Variants in FILIP1L observed in about 807,000 individuals in gnomAD.
The protein encoded by FILIP1L is filamin A interacting protein 1 like, also known as filamin A-interacting protein 1-like.
FILIP1L carries 55 observed loss-of-function variants against 96.6 expected under a neutral mutation model. The observed-to-expected ratio is 0.57, with a 90% CI of 0.46 to 0.71. FILIP1L has a LOEUF of 0.71. FILIP1L is among the 30% of genes least tolerant of loss of function. The probability of loss-of-function intolerance (pLI) is 0.00; values close to 1 mark genes in which losing one functional copy is unlikely to be tolerated. For synonymous variants in FILIP1L, 467 were observed against 473.9 expected (o/e 0.99, Z 0.19); for missense variants, 1,304 against 1,321.2 (o/e 0.99, Z 0.20).
At chr3:100,037,958 G>T (rs6440987) in intron 1 of FILIP1L, among the ~76,000 whole-genome samples, 777 of 10,044 alleles carry the variant, frequency 0.077, 6 homozygotes, top group Admixed American at 0.11. Context: ...TTTTTTTTTG[G>T]GGGGGGAGGG....
intron 4 of FILIP1L, among the ~76,000 whole-genome samples, chr3:99,871,642 A>C (rs1446989403): frequency 6.6e-6 from 1 of 152,184 alleles, no homozygotes; most frequent in Non-Finnish European, 1.5e-5. Flanking sequence ...GCATTGAGTC[A>C]CTTTGAATTT....
intron 1 of FILIP1L, among the ~76,000 whole-genome samples, chr3:100,068,184 CA>C (rs1315256412): frequency 6.6e-6 from 1 of 152,170 alleles, no homozygotes; most frequent in Non-Finnish European, 1.5e-5. Context: ...GTCAAATTGG[CA>C]AATTTTTTAA....
intron 1 of FILIP1L, among the ~76,000 whole-genome samples, chr3:100,052,869 G>A (rs987071651): frequency 2.3e-4 from 35 of 152,008 alleles, no homozygotes; most frequent in African/African-American, 8.5e-4. Context: ...ATATCCTTAA[G>A]TGCCTTGTTA....
chr3:100,021,960 T>TGTGTGTGAGAGA (rs1321185364), intron 1 of FILIP1L, among the ~76,000 whole-genome samples: 13 of 93,332 alleles, frequency 1.4e-4, no homozygotes, highest in South Asian at 4.4e-4. Flanking sequence ...TGTGTGTGTG[T>TGTGTGTGAGAGA]GAGAGAGAGA....
At chr3:100,003,260 T>G (rs1265836119) in intron 1 of FILIP1L, among the ~76,000 whole-genome samples, 1 of 152,228 alleles carries the variant, frequency 6.6e-6, no homozygotes, top group East Asian at 1.9e-4. Flanking sequence ...ATGTTAGAAC[T>G]GGCAAGTTAC....
chr3:99,871,989 T>C (rs1944812103), intron 4 of FILIP1L, among the ~76,000 whole-genome samples: 1 of 152,180 alleles, frequency 6.6e-6, no homozygotes, highest in Non-Finnish European at 1.5e-5. Context: ...CCTTTCTACT[T>C]TCTTTTTTTA....
chr3:100,028,842 G>A (rs1022847911), intron 1 of FILIP1L, among the ~76,000 whole-genome samples: 2 of 152,056 alleles, frequency 1.3e-5, no homozygotes, highest in Admixed American at 6.6e-5. Context: ...TCATTACTGT[G>A]AACTATTCAA....
chr3:99,835,244 C>T (rs1237159836), intron 5 of FILIP1L, among the ~76,000 whole-genome samples: 1 of 152,230 alleles, frequency 6.6e-6, no homozygotes, highest in Non-Finnish European at 1.5e-5. Context: ...AAAAGGCCCA[C>T]TCACATGTCC....
intron 1 of FILIP1L, among the ~76,000 whole-genome samples, chr3:100,089,984 TC>T (rs1223420557): frequency 6.6e-6 from 1 of 152,178 alleles, no homozygotes; most frequent in East Asian, 1.9e-4. Context: ...ACACTCATCT[TC>T]CCTACTCCCC....
chr3:100,002,580 C>A (rs2107169471), intron 1 of FILIP1L, among the ~76,000 whole-genome samples: 1 of 152,306 alleles, frequency 6.6e-6, no homozygotes, highest in East Asian at 1.9e-4. Flanking sequence ...AAAAGTAAAG[C>A]TGATTTTATG....
At chr3:100,015,623 T>A (rs1196549750) in intron 1 of FILIP1L, among the ~76,000 whole-genome samples, 1 of 152,188 alleles carries the variant, frequency 6.6e-6, no homozygotes, top group African/African-American at 2.4e-5. Context: ...ATGCTAAGAT[T>A]ATTGAGTAAA....
chr3:100,085,724 G>A (rs1008487027), intron 1 of FILIP1L, among the ~76,000 whole-genome samples: 6 of 152,144 alleles, frequency 3.9e-5, no homozygotes, highest in South Asian at 2.1e-4. Context: ...TGTCATTTTT[G>A]TCTGTCATCT....
chr3:99,973,735 CT>C (rs904396880), intron 1 of FILIP1L, among the ~76,000 whole-genome samples: 24 of 152,204 alleles, frequency 1.6e-4, no homozygotes, highest in South Asian at 2.1e-4. Flanking sequence ...TTTAAGCTCA[CT>C]TTTTTCCCCC....
chr3:100,067,872 T>G (rs985424886), intron 1 of FILIP1L, among the ~76,000 whole-genome samples: 1 of 151,804 alleles, frequency 6.6e-6, no homozygotes, highest in Non-Finnish European at 1.5e-5. Flanking sequence ...GGAAGCACAG[T>G]AGAGAAGCAC....
intron 1 of FILIP1L, among the ~76,000 whole-genome samples, chr3:100,100,616 G>A (rs2066287779): frequency 6.6e-6 from 1 of 152,108 alleles, no homozygotes; most frequent in Non-Finnish European, 1.5e-5. Context: ...CAGAGAGGAA[G>A]GGAAGAATCA....
chr3:99,894,761 G>A (rs1254819654), intron 4 of FILIP1L, among the ~76,000 whole-genome samples: 1 of 152,126 alleles, frequency 6.6e-6, no homozygotes, highest in Non-Finnish European at 1.5e-5. Context: ...CTCCATTTAG[G>A]TAACTGTGAT....
At chr3:100,102,239 A>C (rs927636824) in intron 1 of FILIP1L, among the ~76,000 whole-genome samples, 2 of 152,342 alleles carry the variant, frequency 1.3e-5, no homozygotes, top group East Asian at 3.9e-4. Context: ...TCCCATCAAC[A>C]GTGTAAAAGT....
intron 1 of FILIP1L, among the ~76,000 whole-genome samples, chr3:100,080,968 A>C (rs1261257530): frequency 6.6e-6 from 1 of 152,236 alleles, no homozygotes; most frequent in Non-Finnish European, 1.5e-5. Flanking sequence ...TGTTTGCAGA[A>C]GATAAAAAGG....
At chr3:99,973,690 G>A (rs1708888443) in intron 1 of FILIP1L, among the ~76,000 whole-genome samples, 1 of 152,158 alleles carries the variant, frequency 6.6e-6, no homozygotes, top group South Asian at 2.1e-4. Context: ...CTTCAAACTT[G>A]ATGAAAAATA....
Sources: gnomAD v4.1 joint callset for allele counts (sites outside exome capture counted in the v4.1 genomes callset) on GRCh38, gnomAD v4.1.1 for gene constraint, MANE v1.5 for transcripts, NCBI Gene and HGNC (gene_info 2026-07-23, HGNC 2026-07-21) for gene names.